Variants in GPR75 observed in about 807,000 individuals in gnomAD.
GPR75 encodes probable G protein-coupled receptor 75.
In GPR75, 27 loss-of-function variants were observed where a neutral mutation model predicts 26.0. That is an observed-to-expected ratio of 1.04 (90% confidence interval 0.77 to 1.43). GPR75 has a LOEUF of 1.43. Ranked by LOEUF, GPR75 falls within the 40% of genes most tolerant of loss-of-function variation. GPR75 has a pLI of 0.00. For synonymous variants in GPR75, 285 were observed against 256.3 expected, an observed-to-expected ratio of 1.11 and a Z score of -1.07; for missense variants, 699 against 662.3, an observed-to-expected ratio of 1.06 and a Z score of -0.61.
chr2:53,853,680 C>G lies in GPR75; in HGVS notation c.1077G>C (p.Leu359Phe). Reference sequence around the variant, plus strand: ...TGAAAAATATAAGAGTAAATCCAAACAATTCAAACTGGTAAAGAATGAAGC... The same window carrying G: ...TGAAAAATATAAGAGTAAATCCAAAGAATTCAAACTGGTAAAGAATGAAGC... ...NGSFILYQFE[L>F]FGFTLIFFKS... Residue 359 changes from leucine to phenylalanine, a missense_variant, in exon 2 of 2, where the codon TTG (leucine) becomes TTC (phenylalanine). Transcript: ENST00000394705. 1 of 1,613,778 alleles carries G rather than the reference C, an allele frequency of 6.2e-7. No homozygotes were observed. Among genetic ancestry groups the G allele is most frequent in the South Asian group, 1.1e-5 (1 of 91,080 alleles).
In GPR75 at chr2:53,857,158, G is replaced by A. The variant is rs563060881; in HGVS notation, c.-109-2293C>T. On this transcript the variant is annotated intron_variant, in intron 1 of 1. Coordinates refer to ENST00000394705, the MANE Select transcript of GPR75 (RefSeq NM_006794.4). ...TTTTTTTTGTATTTTTAGTAGAGAC[G>A]GGGTTTCACCTTGTTAGCCAGGATG... 2.4e-3 allele frequency among the ~76,000 whole-genome samples: 367 copies of A among 150,128 alleles called. 2 individuals are homozygous for A. Among genetic ancestry groups the A allele is most frequent in the African/African-American group, 8.7e-3 (354 of 40,872 alleles).
intron 1 of GPR75, among the ~76,000 whole-genome samples, chr2:53,855,440 C>T (rs1678201525): frequency 6.6e-6 from 1 of 152,112 alleles, no homozygotes; most frequent in South Asian, 2.1e-4. Flanking sequence ...AACGTAATCT[C>T]TCCACCAAAG....
At chr2:53,859,745 C>T in intron 1 of GPR75, 83 bp downstream of exon 1, 1 of 1,085,348 alleles carries the variant, frequency 9.2e-7, no homozygotes, top group Non-Finnish European at 1.3e-6. Flanking sequence ...AGCGCAGCCG[C>T]GCTCCTCGCT....
chr2:53,857,769 A>G lies in GPR75; in HGVS notation c.-110+2059T>C, dbSNP rs531804589. 2.0e-5 allele frequency among the ~76,000 whole-genome samples: 3 copies of G among 152,186 alleles called. No individual in the cohort carries two copies. The South Asian group carries it at 6.2e-4, about 32-fold the overall frequency. ...ATATATATATTTTTAATAGAGATGG[A>G]GTCTCACTATGTTGCCCTCACTGGT... On this transcript the variant is annotated intron_variant, in intron 1 of 1. Transcript: ENST00000394705.
rs567578212 is a variant in GPR75, at chr2:53,853,827, G to A, written c.930C>T (p.Asn310=). The A allele has an allele frequency of 9.9e-6, 16 of 1,614,072 alleles. No homozygotes were observed. Among genetic ancestry groups the A allele is most frequent in the Non-Finnish European group, 1.3e-5 (15 of 1,180,036 alleles). The change falls in exon 2 of 2, where the codon AAC becomes AAT. Residue 310 remains asparagine (N), a synonymous_variant. Coordinates refer to ENST00000394705, the MANE Select transcript of GPR75 (RefSeq NM_006794.4). ...CTTTGGAATCCTTGGCAGTGGAGAG[G>A]TTGATGGCTGATACGAGCTGGAGTC... The part of the protein sequence containing the change: ...ASRLQLVSAI[N]LSTAKDSKAV...
chr2:53,855,648 A>C (rs1054108658), intron 1 of GPR75, among the ~76,000 whole-genome samples: 3 of 152,114 alleles, frequency 2.0e-5, no homozygotes, highest in Non-Finnish European at 1.5e-5. Flanking sequence ...AGACAGGCTA[A>C]GAGAAGTGGG....
rs764334945 is a variant in GPR75 at position 53,854,725 on chromosome 2, G to A, written c.32C>T (p.Pro11Leu). MNSTGHLQDA[P>L]NATSLHVPHS... ...AGGCACATGGAGCGAGGTGGCATTG[G>A]GGGCATCCTGAAGGTGGCCTGTTGA... The change falls in exon 2 of 2, where the codon CCC (proline) becomes CTC (leucine). Residue 11 changes from proline (P) to leucine (L), a missense_variant. Pro to Leu is a moderately conservative substitution (Grantham distance 98, BLOSUM62 -3). Transcript: ENST00000394705. 3 of 1,613,838 alleles carry A rather than the reference G, an allele frequency of 1.9e-6. No homozygotes were observed. Among genetic ancestry groups the A allele is most frequent in the Non-Finnish European group, 2.5e-6 (3 of 1,179,856 alleles).
rs10665107 is a variant in GPR75, at chr2:53,856,946, A to ATTTTTTTTTTTTTTT, written c.-109-2096_-109-2082dup. 1.6e-4 allele frequency among the ~76,000 whole-genome samples: 13 copies of ATTTTTTTTTTTTTTT among 78,958 alleles called. 1 individual carries two copies. The highest frequency in any genetic ancestry group is 4.5e-4 in the African/African-American group (9 of 20,216). 51.8% of individuals were successfully genotyped at this position (78,958 alleles called of 152,430 possible). A position where few individuals can be genotyped will look rare whatever the true frequency, so the allele number is the denominator to read the frequency against. On this transcript the variant is annotated intron_variant, in intron 1 of 1. Transcript: ENST00000394705. Reference sequence around the variant, plus strand: ...TGATACCTATATAATGAGAAAGACAATTTTTTTTTTTTTTTTTTTTTTTTT... The same window carrying ATTTTTTTTTTTTTTT: ...TGATACCTATATAATGAGAAAGACAATTTTTTTTTTTTTTTTTTTTTTTTTTTTTTTTTTTTTTTT...
intron 1 of GPR75, among the ~76,000 whole-genome samples, chr2:53,855,277 CAAGTTT>C (rs1300365646): frequency 6.6e-6 from 1 of 152,252 alleles, no homozygotes; most frequent in Middle Eastern, 3.4e-3. Flanking sequence ...GGTTTTCAAA[CAAGTTT>C]AAGTGTCACC....
intron 1 of GPR75, among the ~76,000 whole-genome samples, chr2:53,856,968 T>G (rs1678245415): frequency 7.2e-6 from 1 of 139,234 alleles, no homozygotes; most frequent in African/African-American, 2.7e-5. Flanking sequence ...TTTTTTTTTT[T>G]TTTTTTGAGA....
chr2:53,853,266 T>C lies in GPR75; in HGVS notation c.1491A>G (p.Pro497=). 1 of 1,614,174 alleles carries C rather than the reference T, an allele frequency of 6.2e-7. No individual in the cohort carries two copies. Among genetic ancestry groups the C allele is most frequent in the Non-Finnish European group, 8.5e-7 (1 of 1,180,018 alleles). ...NSSPSQEESS[P]CNLQPVNSFG... Reference sequence around the variant, plus strand: ...AAGAGTTTACTGGCTGTAAGTTACATGGGCTGCTCTCCTCCTGGGAAGGGC... The same window carrying C: ...AAGAGTTTACTGGCTGTAAGTTACACGGGCTGCTCTCCTCCTGGGAAGGGC... Residue 497 remains proline (P), a synonymous_variant, in exon 2 of 2, where the codon CCA becomes CCG. Transcript: ENST00000394705.
In GPR75 at chr2:53,853,424, C is replaced by G. The variant is rs767488741; in HGVS notation, c.1333G>C (p.Ala445Pro). The part of the protein sequence containing the change: ...PKPQKKFVDQ[A>P]CGPSHSKESM... ...TCTTTTGAATGACTTGGGCCACAAGCCTGGTCCACAAATTTCTTCTGTGGC... is the reference window on the plus strand; with the variant it reads ...TCTTTTGAATGACTTGGGCCACAAGGCTGGTCCACAAATTTCTTCTGTGGC... Residue 445 changes from alanine to proline, a missense_variant, in exon 2 of 2, where the codon GCT becomes CCT. Physicochemically the swap from Ala to Pro is conservative, Grantham distance 27 (BLOSUM62 -1). Coordinates refer to ENST00000394705, the MANE Select transcript of GPR75 (RefSeq NM_006794.4). 1.2e-6 allele frequency: 2 copies of G among 1,614,124 alleles called. No individual in the cohort carries two copies. The highest frequency in any genetic ancestry group is 2.2e-5 in the South Asian group (2 of 91,076).
In GPR75 at chr2:53,854,122, G is replaced by C. The variant is rs765003571; in HGVS notation, c.635C>G (p.Thr212Ser). ...GACAGAGACCACAGCAACACAGAAG[G>C]TGAAGTCGACCACATAGAGAGACAA... ...AILSLYVVDFTFCVAVVSVSY... is the reference protein window; with the variant it reads ...AILSLYVVDFSFCVAVVSVSY... Residue 212 changes from threonine (T) to serine (S), a missense_variant, in exon 2 of 2, where the codon ACC (threonine) becomes AGC (serine). Physicochemically the swap from Thr to Ser is moderately conservative, Grantham distance 58. Coordinates refer to ENST00000394705, the MANE Select transcript of GPR75 (RefSeq NM_006794.4). 1 of 1,614,180 alleles carries C rather than the reference G, an allele frequency of 6.2e-7. No homozygotes were observed. Among genetic ancestry groups the C allele is most frequent in the East Asian group, 2.2e-5 (1 of 44,878 alleles).
At position 53,854,289 on chromosome 2, in the gene GPR75, G is replaced by A. The variant is rs1266746006; in HGVS notation, c.468C>T (p.Ala156=). The change falls in exon 2 of 2, where the codon GCC becomes GCT. Residue 156 remains alanine (A), a synonymous_variant. Coordinates refer to ENST00000394705, the MANE Select transcript of GPR75 (RefSeq NM_006794.4). ...MVLGKQPNRT[A]SFPCTVLLTL... The stretch of plus-strand genomic sequence containing the variant: ...TGAGGAGTACGGTGCAGGGAAAGGA[G>A]GCCGTGCGATTAGGCTGTTTCCCCA... 1.2e-6 allele frequency: 2 copies of A among 1,613,964 alleles called. No individual in the cohort carries two copies. The highest frequency in any genetic ancestry group is 3.3e-5 in the Admixed American group (2 of 59,996).
chr2:53,854,293 G>A lies in GPR75; in HGVS notation c.464C>T (p.Thr155Met), dbSNP rs142326404. Residue 155 changes from threonine to methionine, a missense_variant, in exon 2 of 2, where the codon ACG (threonine) becomes ATG (methionine). Physicochemically the swap from Thr to Met is moderately conservative, Grantham distance 81 (BLOSUM62 -1). Transcript: ENST00000394705. ...RMVLGKQPNR[T>M]ASFPCTVLLT... Reference sequence around the variant, plus strand: ...GAGTACGGTGCAGGGAAAGGAGGCCGTGCGATTAGGCTGTTTCCCCAACAC... The same window carrying A: ...GAGTACGGTGCAGGGAAAGGAGGCCATGCGATTAGGCTGTTTCCCCAACAC... 9.9e-6 allele frequency: 16 copies of A among 1,614,058 alleles called. No individual in the cohort carries two copies. The highest frequency in any genetic ancestry group is 4.0e-5 in the African/African-American group (3 of 75,028).
intron 1 of GPR75, among the ~76,000 whole-genome samples, chr2:53,856,966 T>TTTTCTTTTTC (rs1553399616): frequency 2.3e-5 from 3 of 127,766 alleles, no homozygotes; most frequent in African/African-American, 8.8e-5. Flanking sequence ...TTTTTTTTTT[T>TTTTCTTTTTC]TTTTTTTTGA....
intron 1 of GPR75, among the ~76,000 whole-genome samples, chr2:53,859,610 G>T (rs1678322034): frequency 6.6e-6 from 1 of 150,782 alleles, no homozygotes; most frequent in Non-Finnish European, 1.5e-5. Flanking sequence ...CAGGGTAGGG[G>T]CGGTGGGTGG....
At chr2:53,856,015 A>AT (rs2104395074) in intron 1 of GPR75, among the ~76,000 whole-genome samples, 1 of 152,326 alleles carries the variant, frequency 6.6e-6, no homozygotes, top group Non-Finnish European at 1.5e-5. Context: ...GTGAGTTACC[A>AT]TTATCCCAAC....
Position 53,854,348 on chromosome 2 carries a change from C to T in GPR75, c.409G>A (p.Ala137Thr), listed in dbSNP as rs1251198787. 6.2e-7 allele frequency: 1 copy of T among 1,614,054 alleles called. No homozygotes were observed. The highest frequency in any genetic ancestry group is 1.1e-5 in the South Asian group (1 of 91,070). The change falls in exon 2 of 2, where the codon GCA (alanine) becomes ACA (threonine). Residue 137 changes from alanine (A) to threonine (T), a missense_variant. By Grantham distance (58) the Ala-to-Thr change is moderately conservative. Transcript: ENST00000394705. Reference protein sequence around the residue: ...GFIIMSLKTVAVIALHRLRMV... With the variant: ...GFIIMSLKTVTVIALHRLRMV... ...CGGAGCCGGTGCAGGGCGATCACTG[C>T]CACTGTCTTCAGAGACATGATGATG...
Sources: gnomAD v4.1 joint callset for allele counts (sites outside exome capture counted in the v4.1 genomes callset) on GRCh38, gnomAD v4.1.1 for gene constraint, MANE v1.5 for transcripts, NCBI Gene and HGNC (gene_info 2026-07-23, HGNC 2026-07-21) for gene names.